Variants in TBCK observed in about 807,000 individuals in gnomAD.
TBCK encodes the protein TBC1 domain containing kinase.
TBCK carries 99 observed loss-of-function variants against 113.4 expected under a neutral mutation model. The observed-to-expected ratio is 0.87, with a 90% confidence interval of 0.74 to 1.03. TBCK has a LOEUF of 1.03. TBCK is among the 50% of genes least tolerant of loss of function. TBCK has a pLI of 0.00. For synonymous variants in TBCK, 369 were observed against 370.8 expected, an observed-to-expected ratio of 1.00 and a Z score of 0.05; for missense variants, 1,045 against 1,061.3, an observed-to-expected ratio of 0.98 and a Z score of 0.21.
intron 25 of TBCK, among the ~76,000 whole-genome samples, chr4:106,071,195 G>A (rs1254722290): frequency 6.6e-6 from 1 of 152,160 alleles, no homozygotes; most frequent in Non-Finnish European, 1.5e-5. Context: ...ATGTTAGGGT[G>A]TCGATTTTAG....
intron 14 of TBCK, among the ~76,000 whole-genome samples, 190 bp downstream of exon 14, chr4:106,236,200 C>A (rs1284162316): frequency 2.6e-5 from 4 of 151,718 alleles, no homozygotes; most frequent in Non-Finnish European, 5.9e-5. Flanking sequence ...GTTACCACAC[C>A]TTGTTTTTAC....
chr4:106,271,378 T>C (rs1176712114), intron 3 of TBCK, among the ~76,000 whole-genome samples: 2 of 152,268 alleles, frequency 1.3e-5, no homozygotes, highest in East Asian at 1.9e-4. Flanking sequence ...TTCTCCTGTG[T>C]GTGTTGTTTT....
Position 106,043,108 on chromosome 4 carries a change from C to T in TBCK, c.*3462G>A, listed in dbSNP as rs549958427. 6.6e-6 allele frequency: 1 copy of T among 152,090 alleles called. No homozygotes were observed. Among genetic ancestry groups the T allele is most frequent in the East Asian group, 1.9e-4 (1 of 5,196 alleles). 9.4% of individuals were successfully genotyped at this position (152,090 alleles called of 1,614,324 possible). ...GTATCCCACGGGCCTAAAAGCTGTGCCTTTCAGGTCCTTTTCATTTCTGAC... is the reference window on the plus strand; with the variant it reads ...GTATCCCACGGGCCTAAAAGCTGTGTCTTTCAGGTCCTTTTCATTTCTGAC... On this transcript the variant is annotated 3_prime_UTR_variant, in exon 26 of 26. Coordinates refer to ENST00000394708, the MANE Select transcript of TBCK (RefSeq NM_001163435.3).
intron 25 of TBCK, among the ~76,000 whole-genome samples, chr4:106,054,473 T>A (rs779186953): frequency 2.0e-5 from 3 of 151,708 alleles, no homozygotes; most frequent in Non-Finnish European, 3.0e-5. Context: ...AAAGAAGCCA[T>A]CAGCACTCTT....
In TBCK at chr4:106,173,394, C is replaced by G. The variant is rs150325854; in HGVS notation, c.2060-2124G>C. Among the ~76,000 whole-genome samples, 840 of 152,218 alleles carry G rather than the reference C, an allele frequency of 5.5e-3. 3 individuals are homozygous for G. The highest frequency in any genetic ancestry group is 8.1e-3 in the Non-Finnish European group (548 of 67,972). The stretch of plus-strand genomic sequence containing the variant: ...ATTTGGCAGCTAATGAGAGAAAATA[C>G]TCAACCATCTAAAGTCTGTCTACTT... On this transcript the variant is annotated intron_variant, in intron 22 of 25. Coordinates refer to ENST00000394708, the MANE Select transcript of TBCK (RefSeq NM_001163435.3).
At chr4:106,193,159 AT>A in intron 22 of TBCK, among the ~76,000 whole-genome samples, 1 of 152,154 alleles carries the variant, frequency 6.6e-6, no homozygotes, top group Non-Finnish European at 1.5e-5. Flanking sequence ...AGAGGGCAGT[AT>A]TTCCTTTTGT....
chr4:106,289,539 G>C lies in TBCK; in HGVS notation c.266+5555C>G, dbSNP rs558977595. ...TAATCCCAGCACTTTGAGAGGCTGA[G>C]GCGGGCAGATCATGAGGTCAGGAGT... On this transcript the variant is annotated intron_variant, in intron 3 of 25. Coordinates refer to ENST00000394708, the MANE Select transcript of TBCK (RefSeq NM_001163435.3). 2.0e-5 allele frequency among the ~76,000 whole-genome samples: 3 copies of C among 152,068 alleles called. 1 individual carries two copies. In the South Asian group the frequency reaches 6.2e-4, roughly 32 times the overall value.
At chr4:106,278,480 A>G (rs1403773619) in intron 3 of TBCK, among the ~76,000 whole-genome samples, 6 of 143,116 alleles carry the variant, frequency 4.2e-5, no homozygotes, top group Non-Finnish European at 6.0e-5. Context: ...AATTGCTTGA[A>G]CCCAGGAGGC....
intron 23 of TBCK, among the ~76,000 whole-genome samples, chr4:106,125,474 C>G (rs976089668): frequency 2.0e-5 from 3 of 152,046 alleles, no homozygotes; most frequent in African/African-American, 7.3e-5. Flanking sequence ...GCACTCCAGC[C>G]TGGATAACAG....
chr4:106,200,583 A>G (rs1262247020), intron 20 of TBCK, among the ~76,000 whole-genome samples: 1 of 152,146 alleles, frequency 6.6e-6, no homozygotes, highest in East Asian at 1.9e-4. Context: ...ACCTGAGCAC[A>G]TAACATCCAT....
At chr4:106,257,693 G>A (rs1210366506) in intron 5 of TBCK, among the ~76,000 whole-genome samples, 4 of 152,002 alleles carry the variant, frequency 2.6e-5, no homozygotes, top group Non-Finnish European at 5.9e-5. Flanking sequence ...TCTAGAAACA[G>A]CTGAAGTCTA....
chr4:106,193,530 T>C, intron 22 of TBCK, 79 bp downstream of exon 22: 1 of 1,520,392 alleles, frequency 6.6e-7, no homozygotes. Flanking sequence ...TGGATGGTTA[T>C]TTTTGCCAAT....
chr4:106,270,246 G>A (rs558368556), intron 3 of TBCK, among the ~76,000 whole-genome samples: 16 of 152,220 alleles, frequency 1.1e-4, no homozygotes, highest in South Asian at 6.2e-4. Flanking sequence ...CAGAAGAACC[G>A]TTTTCTAACT....
At chr4:106,233,684 C>T (rs1345935572) in intron 15 of TBCK, 34 bp from the exon 16 acceptor site, 1 of 1,492,318 alleles carries the variant, frequency 6.7e-7, no homozygotes. Context: ...ATTAATTTAT[C>T]ATATCCTTAA....
rs1368392393 is a variant in TBCK, at chr4:106,051,619, A to G, written c.2572-4939T>C. Among the ~76,000 whole-genome samples, 3 of 149,448 alleles carry G rather than the reference A, an allele frequency of 2.0e-5. No individual in the cohort carries two copies. The South Asian group carries it at 6.4e-4, about 32-fold the overall frequency. On this transcript the variant is annotated intron_variant, in intron 25 of 25. Transcript: ENST00000394708. ...TTGACCCTCTGGAATGCTTAATATGACACATATTCAATATTTCTGGCACTG... is the reference window on the plus strand; with the variant it reads ...TTGACCCTCTGGAATGCTTAATATGGCACATATTCAATATTTCTGGCACTG...
At chr4:106,277,743 A>G (rs1328015013) in intron 3 of TBCK, among the ~76,000 whole-genome samples, 1 of 152,216 alleles carries the variant, frequency 6.6e-6, no homozygotes, top group East Asian at 1.9e-4. Context: ...TTTCTCAGAT[A>G]ATGGTGGTAA....
intron 25 of TBCK, among the ~76,000 whole-genome samples, chr4:106,068,225 A>G (rs1736897165): frequency 1.3e-5 from 2 of 152,316 alleles, no homozygotes; most frequent in African/African-American, 4.8e-5. Context: ...ATATGTATAC[A>G]CATGACAAGT....
At chr4:106,301,461 G>T (rs1579567502) in intron 2 of TBCK, among the ~76,000 whole-genome samples, 1 of 152,110 alleles carries the variant, frequency 6.6e-6, no homozygotes, top group East Asian at 1.9e-4. Flanking sequence ...TGTTAACATA[G>T]TATTTTCAGG....
chr4:106,247,151 G>T lies in TBCK; in HGVS notation c.919C>A (p.Gln307Lys). ...ADLTLPEDIS[Q>K]LCKDINNDYL... ...AATTTATCATTACCTTTACACAACT[G>T]ACTGATATCCTCAGGCAGAGTTAAA... Residue 307 changes from glutamine to lysine, a missense_variant, in exon 10 of 26, where the codon CAG (glutamine) becomes AAG (lysine). Coordinates refer to ENST00000394708, the MANE Select transcript of TBCK (RefSeq NM_001163435.3). 6.2e-7 allele frequency: 1 copy of T among 1,612,510 alleles called. No individual in the cohort carries two copies. The highest frequency in any genetic ancestry group is 1.1e-5 in the South Asian group (1 of 90,678).
Sources: allele counts gnomAD v4.1 joint callset (sites outside exome capture counted in the v4.1 genomes callset), GRCh38; gene constraint gnomAD v4.1.1; transcripts MANE v1.5; gene names NCBI Gene and HGNC (gene_info 2026-07-23, HGNC 2026-07-21).